ZNF469: variants seen among roughly 807,000 people sequenced by gnomAD.
ZNF469 encodes zinc finger protein 469.
ZNF469 carries 1 observed loss-of-function variant against 1.0 expected under a neutral mutation model. The observed-to-expected ratio is 1.00, with a 90% CI of 0.35 to 4.73. The LOEUF (loss-of-function observed/expected upper bound fraction) is 4.73, where lower values mean the gene tolerates loss of function less well. ZNF469 is among the 30% of genes most tolerant of loss of function. The probability of loss-of-function intolerance (pLI) is 0.16; values close to 1 mark genes in which losing one functional copy is unlikely to be tolerated. For synonymous variants in ZNF469, 2,703 were observed against 2,363.4 expected (o/e 1.14, Z -4.17); for missense variants, 6,100 against 5,356.3 (o/e 1.14, Z -4.33).
the ZNF469 span, among the ~76,000 whole-genome samples, chr16:88,141,566 C>T: frequency 4.2e-3 from 109 of 26,032 alleles, 5 homozygotes; most frequent in African/African-American, 5.2e-3. Flanking sequence ...TCCTGGGAGG[C>T]ACCCCCGTCC....
At position 88,434,559 on chromosome 16, in the gene ZNF469, C is replaced by G; in HGVS notation, c.7089C>G (p.Pro2363=). The G allele has an allele frequency of 6.5e-7, 1 of 1,550,338 alleles. No individual in the cohort carries two copies. Among genetic ancestry groups the G allele is most frequent in the Non-Finnish European group, 8.7e-7 (1 of 1,146,936 alleles). The part of the protein sequence containing the change: ...PTLQGAGPDS[P]ACLEGEMGTS... Reference sequence around the variant, plus strand: ...TACAGGGTGCAGGGCCGGACTCCCCCGCCTGCCTGGAAGGTGAGATGGGGA... The same window carrying G: ...TACAGGGTGCAGGGCCGGACTCCCCGGCCTGCCTGGAAGGTGAGATGGGGA... Residue 2363 remains proline (P), a synonymous_variant, in exon 3 of 3, where the codon CCC becomes CCG. Transcript: ENST00000565624.
Position 88,429,970 on chromosome 16 carries a change from A to G in ZNF469, c.2500A>G (p.Met834Val), listed in dbSNP as rs1038974205. ...CCCGCTCCCTGCCTCGGACCTGGACATGGAGGATGACGCCAAGCTGGACAG... is the reference window on the plus strand; with the variant it reads ...CCCGCTCCCTGCCTCGGACCTGGACGTGGAGGATGACGCCAAGCTGGACAG... ...PFPLPASDLD[M>V]EDDAKLDSLI... Residue 834 changes from methionine to valine, a missense_variant, in exon 3 of 3, where the codon ATG becomes GTG. Coordinates refer to ENST00000565624, the MANE Select transcript of ZNF469 (RefSeq NM_001367624.2). 5.9e-5 allele frequency: 91 copies of G among 1,550,094 alleles called. No individual in the cohort carries two copies. Among genetic ancestry groups the G allele is most frequent in the Non-Finnish European group, 7.6e-5 (87 of 1,146,908 alleles).
the ZNF469 span, among the ~76,000 whole-genome samples, chr16:88,377,459 G>A: frequency 2.7e-3 from 405 of 152,250 alleles, 4 homozygotes; most frequent in African/African-American, 9.1e-3. Context: ...GGACGCCCTC[G>A]AGGCCACCCC....
At chr16:88,130,019 T>A in the ZNF469 span, among the ~76,000 whole-genome samples, 1 of 151,714 alleles carries the variant, frequency 6.6e-6, no homozygotes, top group Non-Finnish European at 1.5e-5. Context: ...GTGGCAGAAG[T>A]TTCTGTAGTT....
At chr16:88,247,939 C>T in the ZNF469 span, among the ~76,000 whole-genome samples, 2 of 152,362 alleles carry the variant, frequency 1.3e-5, no homozygotes, top group East Asian at 1.9e-4. Flanking sequence ...TGCTGACCCT[C>T]GGAACGTATA....
chr16:88,251,053 T>G, the ZNF469 span, among the ~76,000 whole-genome samples: 1 of 152,212 alleles, frequency 6.6e-6, no homozygotes, highest in Non-Finnish European at 1.5e-5. Context: ...CATTTTTATA[T>G]TTTCAGTAGA....
chr16:88,337,164 G>C, the ZNF469 span, among the ~76,000 whole-genome samples: 1 of 152,184 alleles, frequency 6.6e-6, no homozygotes, highest in African/African-American at 2.4e-5. Flanking sequence ...TGGTTTGGCT[G>C]TGTCCCCAAC....
chr16:88,209,657 A>C, the ZNF469 span, among the ~76,000 whole-genome samples: 1 of 152,152 alleles, frequency 6.6e-6, no homozygotes, highest in Non-Finnish European at 1.5e-5. Flanking sequence ...AGAAGATGGC[A>C]TGTTAGAGAT....
chr16:88,213,742 C>A, the ZNF469 span, among the ~76,000 whole-genome samples: 1 of 152,266 alleles, frequency 6.6e-6, no homozygotes, highest in Non-Finnish European at 1.5e-5. Flanking sequence ...GGCTCTTTTC[C>A]CAGTATTTCC....
chr16:88,360,019 A>T, the ZNF469 span, among the ~76,000 whole-genome samples: 1 of 152,122 alleles, frequency 6.6e-6, no homozygotes, highest in Non-Finnish European at 1.5e-5. Context: ...TTGATTTTTT[A>T]ATTTTTTTTG....
At chr16:88,293,829 G>A in the ZNF469 span, among the ~76,000 whole-genome samples, 4 of 152,178 alleles carry the variant, frequency 2.6e-5, no homozygotes, top group Admixed American at 1.3e-4. Flanking sequence ...GGAATTGTGG[G>A]GCATGGAGGG....
the ZNF469 span, among the ~76,000 whole-genome samples, chr16:88,287,427 C>T: frequency 2.6e-5 from 4 of 152,224 alleles, no homozygotes. Flanking sequence ...GGAGCCCAGC[C>T]ACCTCCAAAA....
chr16:88,433,944 C>T lies in ZNF469; in HGVS notation c.6474C>T (p.Asp2158=), dbSNP rs1350203416. 6.7e-5 allele frequency: 104 copies of T among 1,550,084 alleles called. No individual in the cohort carries two copies. Among genetic ancestry groups the T allele is most frequent in the Non-Finnish European group, 8.2e-5 (94 of 1,146,910 alleles). The change falls in exon 3 of 3, where the codon GAC becomes GAT. Residue 2158 remains aspartate, a synonymous_variant. Coordinates refer to ENST00000565624, the MANE Select transcript of ZNF469 (RefSeq NM_001367624.2). ...TGCCAGCATCTCCGTCCTGCAGGGA[C>T]CCTCCCGGCCCCCAGCAGCTGCTGG... ...GQLPASPSCR[D]PPGPQQLLAC... is the part of the protein sequence containing the mutation.
Position 88,439,056 on chromosome 16 carries a change from C to G in ZNF469, c.11586C>G (p.Pro3862=), listed in dbSNP as rs750184195. ...ATPSRVLPTK[P]KPNSQNKPRP... is the part of the protein sequence containing the mutation. ...CCAGCCGCGTGCTCCCGACCAAGCC[C>G]AAGCCCAACAGCCAGAACAAACCCA... The change falls in exon 3 of 3, where the codon CCC becomes CCG. Residue 3862 remains proline (P), a synonymous_variant. Transcript: ENST00000565624. The G allele has an allele frequency of 1.3e-5, 20 of 1,550,510 alleles. No homozygotes were observed. Among genetic ancestry groups the G allele is most frequent in the Admixed American group, 2.0e-5 (1 of 50,988 alleles).
the ZNF469 span, among the ~76,000 whole-genome samples, chr16:88,227,817 C>T: frequency 6.6e-6 from 1 of 152,242 alleles, no homozygotes; most frequent in Non-Finnish European, 1.5e-5. Context: ...GGGCTGGCAT[C>T]AAGGAGCCGG....
At chr16:88,411,412 G>T (rs1020365691) in intron 1 of ZNF469, among the ~76,000 whole-genome samples, 1 of 152,024 alleles carries the variant, frequency 6.6e-6, no homozygotes, top group Non-Finnish European at 1.5e-5. Context: ...AGGCCAGGAG[G>T]TGTGTATGCT....
At chr16:88,377,146 C>A in the ZNF469 span, among the ~76,000 whole-genome samples, 2 of 152,272 alleles carry the variant, frequency 1.3e-5, no homozygotes, top group African/African-American at 4.8e-5. Flanking sequence ...GCACACCAGG[C>A]AGGCCACAGG....
At chr16:88,305,946 C>G in the ZNF469 span, among the ~76,000 whole-genome samples, 32 of 152,046 alleles carry the variant, frequency 2.1e-4, no homozygotes, top group African/African-American at 7.5e-4. Flanking sequence ...TCACGTAAAC[C>G]CACACACTCA....
At position 88,424,838 on chromosome 16, in the gene ZNF469, C is replaced by T. The variant is rs538567133; in HGVS notation, c.-160C>T. 2.0e-5 allele frequency among the ~76,000 whole-genome samples: 3 copies of T among 152,288 alleles called. No individual in the cohort carries two copies. Among genetic ancestry groups the T allele is most frequent in the Admixed American group, 6.5e-5 (1 of 15,304 alleles). ...AATTCTCATTCCTCAGGAAGTTGTG[C>T]GGCGACCCAGCTGAGGGGCCCCCGA... On this transcript the variant is annotated 5_prime_UTR_variant, in exon 2 of 3. Transcript: ENST00000565624. This position sits in a 1 kb window ranked among gnomAD's most constrained non-coding sequence, Gnocchi z 4.3.
Sources: gnomAD v4.1 joint callset for allele counts (sites outside exome capture counted in the v4.1 genomes callset) on GRCh38, gnomAD v4.1.1 for gene constraint, Gnocchi (gnomAD v3.1) non-coding constraint, MANE v1.5 for transcripts, NCBI Gene and HGNC (gene_info 2026-07-23, HGNC 2026-07-21) for gene names.